OR51B5: variants seen among roughly 807,000 people sequenced by gnomAD.
The protein encoded by OR51B5 is olfactory receptor 51B5.
For missense variants in OR51B5, 456 were observed against 374.6 expected, an observed-to-expected ratio of 1.22 and a Z score of -1.79; for synonymous variants, 186 against 144.8, an observed-to-expected ratio of 1.28 and a Z score of -2.04.
Position 5,343,156 on chromosome 11 carries a change from G to A in OR51B5, c.369C>T (p.Ala123=), listed in dbSNP as rs535494155. 6 of 1,613,904 alleles carry A rather than the reference G, an allele frequency of 3.7e-6. No homozygotes were observed. In the African/African-American group the frequency reaches 6.7e-5, roughly 18 times the overall value. Residue 123 remains alanine, a synonymous_variant, in exon 1 of 1, where the codon GCC becomes GCT. Transcript: ENST00000300773. The stretch of plus-strand genomic sequence containing the variant: ...AGGTATATCTAAGAGGGTTGCAGAT[G>A]GCAATAAAACGGTCATAGGCCATGG...
chr11:5,470,761 T>C (rs1411921687), intron 1 of OR51B5, among the ~76,000 whole-genome samples: 1 of 152,192 alleles, frequency 6.6e-6, no homozygotes, highest in Non-Finnish European at 1.5e-5. Context: ...TATTAATCCA[T>C]CGTAAACGCT....
chr11:5,430,596 C>A, intron 1 of OR51B5: 2 of 404,210 alleles, frequency 4.9e-6, no homozygotes, highest in Non-Finnish European at 1.0e-5. Flanking sequence ...TTGCCCATAG[C>A]AGAAACATTA....
Position 5,425,056 on chromosome 11 carries a change from CTCA to C in OR51B5, n.85-78149_85-78147del, listed in dbSNP as rs1471762754. Among the ~76,000 whole-genome samples the C allele has an allele frequency of 5.5e-5, 6 of 109,864 alleles. No individual in the cohort carries two copies. The East Asian group carries it at 1.2e-3, about 22-fold the overall frequency. 72.1% of individuals were successfully genotyped at this position (109,864 alleles called of 152,430 possible). ...TCTCTTTCTCTTCCTACATCCTTTCCTCATGTTTTATTTTTTCTCTGCTAGAGC... is the reference window on the plus strand; with the variant it reads ...TCTCTTTCTCTTCCTACATCCTTTCCTGTTTTATTTTTTCTCTGCTAGAGC... On this transcript the variant is annotated intron_variant and non_coding_transcript_variant, in intron 1 of 4. Coordinates refer to the OR51B5 transcript ENST00000415970.
chr11:5,425,387 G>A (rs1850432526), intron 1 of OR51B5, among the ~76,000 whole-genome samples: 1 of 152,304 alleles, frequency 6.6e-6, no homozygotes, highest in South Asian at 2.1e-4. Flanking sequence ...TGTGGTCAGA[G>A]ATGAACTAAC....
At chr11:5,359,537 AGAAT>A (rs1178237240) in intron 1 of OR51B5, among the ~76,000 whole-genome samples, 3 of 134,772 alleles carry the variant, frequency 2.2e-5, no homozygotes, top group Non-Finnish European at 5.0e-5. Flanking sequence ...ATGGGTAGGA[AGAAT>A]CAATATCATG....
intron 1 of OR51B5, among the ~76,000 whole-genome samples, chr11:5,414,778 G>A (rs1350662865): frequency 6.6e-6 from 1 of 152,128 alleles, no homozygotes; most frequent in African/African-American, 2.4e-5. Context: ...CATAAACCAA[G>A]TCCTTAGTGA....
At chr11:5,453,195 T>C (rs1178967685) in intron 1 of OR51B5, 10 of 242,910 alleles carry the variant, frequency 4.1e-5, no homozygotes, top group African/African-American at 2.2e-4. Flanking sequence ...AGTTTAAACA[T>C]TTTCCTTTTA....
At chr11:5,505,525 C>A in intron 1 of OR51B5, 1 of 1,190,164 alleles carries the variant, frequency 8.4e-7, no homozygotes, top group Non-Finnish European at 1.1e-6. Flanking sequence ...AAGATATACC[C>A]GAGACTGGGC....
chr11:5,489,229 C>G, intron 1 of OR51B5: 1 of 1,613,994 alleles, frequency 6.2e-7, no homozygotes, highest in Non-Finnish European at 8.5e-7. Context: ...CTGTGGTCAC[C>G]GTGTCATGAC....
chr11:5,446,323 GGAT>G (rs1470189003), intron 1 of OR51B5, among the ~76,000 whole-genome samples: 1 of 151,668 alleles, frequency 6.6e-6, no homozygotes, highest in African/African-American at 2.4e-5. Flanking sequence ...AAGAAATCAA[GGAT>G]AATAAAATAT....
At chr11:5,422,176 G>A (rs1301660171) in intron 1 of OR51B5, 8 of 1,529,420 alleles carry the variant, frequency 5.2e-6, no homozygotes, top group Non-Finnish European at 7.1e-6. Context: ...TGAAGATCCT[G>A]AATCTGAAGA....
intron 1 of OR51B5, among the ~76,000 whole-genome samples, chr11:5,414,135 T>A (rs1302473274): frequency 2.0e-5 from 3 of 151,878 alleles, no homozygotes; most frequent in African/African-American, 7.3e-5. Context: ...TATTCAACAT[T>A]CTTAAGAAAA....
chr11:5,431,012 T>G (rs2133768321), intron 1 of OR51B5: 1 of 457,000 alleles, frequency 2.2e-6, no homozygotes, highest in South Asian at 1.5e-5. Context: ...CCCAGGATGC[T>G]GTTGAGTTTA....
intron 1 of OR51B5, among the ~76,000 whole-genome samples, chr11:5,487,262 A>T (rs570391797): frequency 6.6e-6 from 1 of 152,284 alleles, no homozygotes; most frequent in South Asian, 2.1e-4. Context: ...GTTAAAATAT[A>T]AATATCTTAT....
intron 1 of OR51B5, among the ~76,000 whole-genome samples, chr11:5,445,987 C>T (rs1338500032): frequency 1.3e-5 from 2 of 151,978 alleles, no homozygotes; most frequent in Non-Finnish European, 2.9e-5. Flanking sequence ...CCATCATTCT[C>T]AGCAAACTAT....
At chr11:5,402,330 T>C (rs2133741925) in intron 1 of OR51B5, among the ~76,000 whole-genome samples, 1 of 152,318 alleles carries the variant, frequency 6.6e-6, no homozygotes, top group East Asian at 1.9e-4. Context: ...CATAATTTTC[T>C]TTCTGCCTAT....
At chr11:5,399,210 T>A (rs1849929419) in intron 1 of OR51B5, among the ~76,000 whole-genome samples, 1 of 152,202 alleles carries the variant, frequency 6.6e-6, no homozygotes, top group African/African-American at 2.4e-5. Flanking sequence ...TATATGCTCA[T>A]CTATTAAGTG....
At chr11:5,349,863 G>A (rs1055561415) in intron 1 of OR51B5, among the ~76,000 whole-genome samples, 1 of 151,968 alleles carries the variant, frequency 6.6e-6, no homozygotes, top group Non-Finnish European at 1.5e-5. Context: ...TCCCACATTG[G>A]CTCATCAATC....
chr11:5,341,952 T>C (rs915931420), downstream of OR51B5, among the ~76,000 whole-genome samples: 3 of 152,210 alleles, frequency 2.0e-5, no homozygotes, highest in African/African-American at 7.2e-5. Flanking sequence ...TGTCAGAAGG[T>C]ACTGCCTTGG....
Sources: gnomAD v4.1 joint callset for allele counts (sites outside exome capture counted in the v4.1 genomes callset) on GRCh38, gnomAD v4.1.1 for gene constraint, MANE v1.5 for transcripts, NCBI Gene and HGNC (gene_info 2026-07-23, HGNC 2026-07-21) for gene names.